The following EP300 variants were observed in gnomAD, a reference collection of about 807,000 sequenced individuals.
The protein encoded by EP300 is EP300 lysine acetyltransferase.
In EP300, 31 loss-of-function variants were observed where a neutral mutation model predicts 264.0. The observed-to-expected ratio is 0.12, with a 90% CI of 0.09 to 0.16. The LOEUF is 0.16. Ranked by LOEUF, EP300 falls within the 10% of genes least tolerant of loss-of-function variation. The pLI, the probability that EP300 is intolerant of heterozygous loss-of-function variation, is 1.00. For synonymous variants in EP300, 1,340 were observed against 1,045.4 expected (o/e 1.28, Z -5.44); for missense variants, 2,766 against 3,052.9 (o/e 0.91, Z 2.21).
Position 41,149,842 on chromosome 22 carries a change from C to G in EP300, c.2461C>G (p.Gln821Glu). 6.2e-7 allele frequency: 1 copy of G among 1,614,102 alleles called. No individual in the cohort carries two copies. The highest frequency in any genetic ancestry group is 8.5e-7 in the Non-Finnish European group (1 of 1,180,022). The change falls in exon 14 of 31, where the codon CAG becomes GAG. Residue 821 changes from glutamine (Q) to glutamate (E), a missense_variant. Physicochemically the swap from Gln to Glu is conservative, Grantham distance 29 (BLOSUM62 2). Coordinates refer to ENST00000263253, the MANE Select transcript of EP300 (RefSeq NM_001429.4). ...GSQGSHIHCPQLPQPALHQNS... is the reference protein window; with the variant it reads ...GSQGSHIHCPELPQPALHQNS... ...TCAGGGGAGCCACATTCACTGTCCC[C>G]AGCTTCCTCAACCAGCTCTTCATCA...
In EP300 at chr22:41,126,635, A is replaced by G. The variant is rs184728534; in HGVS notation, c.906+595A>G. Among the ~76,000 whole-genome samples, 12 of 141,564 alleles carry G rather than the reference A, an allele frequency of 8.5e-5. 1 individual carries two copies. Among genetic ancestry groups the G allele is most frequent in the African/African-American group, 3.2e-4 (12 of 37,954 alleles). 92.9% of individuals were successfully genotyped at this position (141,564 alleles called of 152,430 possible). On this transcript the variant is annotated intron_variant, in intron 3 of 30. Coordinates refer to ENST00000263253, the MANE Select transcript of EP300 (RefSeq NM_001429.4). Reference sequence around the variant, plus strand: ...TTTTAGTTTTGTCCTTTGTGTCATTATGTTTATGGACTGCCTATATTTGAG... The same window carrying G: ...TTTTAGTTTTGTCCTTTGTGTCATTGTGTTTATGGACTGCCTATATTTGAG...
intron 14 of EP300, among the ~76,000 whole-genome samples, chr22:41,151,518 G>C (rs1300951678): frequency 1.3e-5 from 2 of 152,108 alleles, no homozygotes; most frequent in African/African-American, 2.4e-5. Flanking sequence ...ACTCATTTCT[G>C]TATAAATGTG....
At position 41,098,774 on chromosome 22, in the gene EP300, A is replaced by C. The variant is rs749827010; in HGVS notation, c.94+5676A>C. On this transcript the variant is annotated intron_variant, in intron 1 of 30. Transcript: ENST00000263253. ...TATTGGAGTCAGACTGCTAGAGTTC[A>C]TAGCCCAGGCTTGTATTTATTAACT... Among the ~76,000 whole-genome samples, 5 of 152,280 alleles carry C rather than the reference A, an allele frequency of 3.3e-5. No homozygotes were observed. In the East Asian group the frequency reaches 5.8e-4, roughly 18 times the overall value.
At chr22:41,108,952 TAA>T (rs574958009) in intron 1 of EP300, among the ~76,000 whole-genome samples, 81 of 152,260 alleles carry the variant, frequency 5.3e-4, no homozygotes, top group Non-Finnish European at 8.1e-4. Context: ...ATAAATATCT[TAA>T]GAGCTCACCT....
intron 28 of EP300, among the ~76,000 whole-genome samples, chr22:41,173,086 G>T (rs937407909): frequency 6.6e-6 from 1 of 152,262 alleles, no homozygotes; most frequent in Admixed American, 6.5e-5. Flanking sequence ...CAGAATTTAA[G>T]TTACTAAGCC....
rs772707021 is a variant in EP300, at chr22:41,150,026, C to G, written c.2645C>G (p.Pro882Arg). The G allele has an allele frequency of 7.9e-5, 127 of 1,613,912 alleles. No homozygotes were observed. Among genetic ancestry groups the G allele is most frequent in the Middle Eastern group, 4.9e-4 (3 of 6,084 alleles). Reference sequence around the variant, plus strand: ...CAGTCCCAGGCTCTACATCCCCCTCCAAGGCAGACACCTACACCACCAACA... The same window carrying G: ...CAGTCCCAGGCTCTACATCCCCCTCGAAGGCAGACACCTACACCACCAACA... ...GPQSQALHPP[P>R]RQTPTPPTTQ... The change falls in exon 14 of 31, where the codon CCA (proline) becomes CGA (arginine). Residue 882 changes from proline (P) to arginine (R), a missense_variant. Transcript: ENST00000263253.
At chr22:41,147,796 C>T (rs971521962) in intron 11 of EP300, 41 bp from the exon 12 acceptor site, 1 of 1,288,300 alleles carries the variant, frequency 7.8e-7, no homozygotes, top group Non-Finnish European at 1.1e-6. Context: ...TATTCAATTT[C>T]ACAAAGGCAT....
intron 10 of EP300, among the ~76,000 whole-genome samples, chr22:41,143,064 G>C (rs929544202): frequency 2.0e-5 from 3 of 152,336 alleles, no homozygotes; most frequent in South Asian, 4.1e-4. Context: ...CTGAGTATCA[G>C]CCTTAAGTAT....
chr22:41,143,335 C>A (rs944688842), intron 10 of EP300, among the ~76,000 whole-genome samples: 6 of 152,046 alleles, frequency 3.9e-5, no homozygotes, highest in Admixed American at 6.5e-5. Context: ...GCCTGTAGTC[C>A]CAGCTACTCA....
chr22:41,101,390 T>A (rs1221313485), intron 1 of EP300, among the ~76,000 whole-genome samples: 2 of 151,436 alleles, frequency 1.3e-5, no homozygotes, highest in Non-Finnish European at 2.9e-5. Context: ...TAATTTTTTC[T>A]ATTTTTCATT....
At chr22:41,123,995 C>G (rs749889367) in intron 2 of EP300, among the ~76,000 whole-genome samples, 2 of 152,338 alleles carry the variant, frequency 1.3e-5, no homozygotes, top group Non-Finnish European at 2.9e-5. Context: ...CGCCTGTAAT[C>G]CCAGCACTTT....
chr22:41,144,283 A>T lies in EP300; in HGVS notation c.2054-2456A>T, dbSNP rs150227268. Among the ~76,000 whole-genome samples, 265 of 152,324 alleles carry T rather than the reference A, an allele frequency of 1.7e-3. 1 individual carries two copies. The highest frequency in any genetic ancestry group is 6.1e-3 in the African/African-American group (254 of 41,572). ...ATTTGACTTAATGCATATAGTTTGC[A>T]TTAAGGGCATATATATTGAAATGTG... On this transcript the variant is annotated intron_variant, in intron 10 of 30. Transcript: ENST00000263253.
chr22:41,167,995 T>C (rs949285829), intron 23 of EP300, among the ~76,000 whole-genome samples: 2 of 151,298 alleles, frequency 1.3e-5, no homozygotes, highest in Non-Finnish European at 2.9e-5. Context: ...CTAATTTTTG[T>C]ATTTTTAGTA....
At chr22:41,100,996 G>C (rs1411831394) in intron 1 of EP300, among the ~76,000 whole-genome samples, 1 of 152,120 alleles carries the variant, frequency 6.6e-6, no homozygotes, top group Non-Finnish European at 1.5e-5. Context: ...GATAGTTAAG[G>C]CATAATGAGA....
intron 25 of EP300, chr22:41,169,082 A>AG (rs1221106766): frequency 1.4e-5 from 9 of 663,344 alleles, no homozygotes; most frequent in Non-Finnish European, 2.4e-5. Context: ...ATAGTAATAA[A>AG]GGATATGAAT....
At chr22:41,156,566 T>C (rs571562492) in intron 17 of EP300, among the ~76,000 whole-genome samples, 275 of 152,032 alleles carry the variant, frequency 1.8e-3, no homozygotes, top group Non-Finnish European at 3.5e-3. Context: ...ACTAAAAATA[T>C]AAAAAGTAAC....
rs1044739820 is a variant in EP300 at position 41,107,567 on chromosome 22, T to G, written c.95-9620T>G. Among the ~76,000 whole-genome samples, 6 of 151,186 alleles carry G rather than the reference T, an allele frequency of 4.0e-5. No homozygotes were observed. In the East Asian group the frequency reaches 5.8e-4, roughly 15 times the overall value. On this transcript the variant is annotated intron_variant, in intron 1 of 30. Transcript: ENST00000263253. ...TGATTTATGTTCATAGTACAGTGTT[T>G]GGGATTATATTTTTAATGGTTCTAA...
At chr22:41,144,991 T>C (rs1398601032) in intron 10 of EP300, among the ~76,000 whole-genome samples, 1 of 152,198 alleles carries the variant, frequency 6.6e-6, no homozygotes, top group Non-Finnish European at 1.5e-5. Context: ...CTAGAAGAGC[T>C]GTGTTTTCTC....
At chr22:41,115,824 G>A (rs2058817774) in intron 1 of EP300, among the ~76,000 whole-genome samples, 2 of 152,206 alleles carry the variant, frequency 1.3e-5, no homozygotes, top group Admixed American at 6.5e-5. Flanking sequence ...TAGGCTACAG[G>A]TCAAAAACTC....
Sources: gnomAD v4.1 joint callset for allele counts (sites outside exome capture counted in the v4.1 genomes callset) on GRCh38, gnomAD v4.1.1 for gene constraint, MANE v1.5 for transcripts, NCBI Gene and HGNC (gene_info 2026-07-23, HGNC 2026-07-21) for gene names.